Variants in SPATA7 observed in about 807,000 individuals in gnomAD.
The protein encoded by SPATA7 is spermatogenesis-associated protein 7.
A neutral mutation model predicts 51.8 loss-of-function variants in SPATA7; 43 were observed. The ratio of observed to expected loss-of-function variants is 0.83; its 90% CI spans 0.65 to 1.07. The LOEUF (loss-of-function observed/expected upper bound fraction) is 1.07, where lower values mean the gene tolerates loss of function less well. Ranked by LOEUF, SPATA7 falls within the 50% of genes least tolerant of loss-of-function variation. SPATA7 has a pLI of 0.00. For missense variants in SPATA7, 683 were observed against 701.3 expected, an observed-to-expected ratio of 0.97 and a Z score of 0.30; for synonymous variants, 230 against 252.8, an observed-to-expected ratio of 0.91 and a Z score of 0.86.
chr14:88,392,301 T>C (rs2075766515), intron 2 of SPATA7, among the ~76,000 whole-genome samples: 1 of 152,072 alleles, frequency 6.6e-6, no homozygotes, highest in Admixed American at 6.6e-5. Context: ...TTTTAAAGAA[T>C]ATATATATAG....
chr14:88,445,215 G>A (rs1208245462), intron 3 of SPATA7, among the ~76,000 whole-genome samples: 2 of 150,174 alleles, frequency 1.3e-5, no homozygotes, highest in Non-Finnish European at 3.0e-5. Flanking sequence ...CTTGTAAGTT[G>A]GATTCCTAGG....
chr14:88,407,074 CAT>C (rs2076219460), intron 4 of SPATA7, among the ~76,000 whole-genome samples: 3 of 152,172 alleles, frequency 2.0e-5, no homozygotes, highest in South Asian at 4.1e-4. Flanking sequence ...CTGCAATAAA[CAT>C]ATGTGTGCAT....
chr14:88,393,914 T>C (rs747815927), intron 3 of SPATA7, among the ~76,000 whole-genome samples: 1 of 152,178 alleles, frequency 6.6e-6, no homozygotes, highest in Non-Finnish European at 1.5e-5. Context: ...ATAAATATTT[T>C]GAAAAATGAA....
intron 2 of SPATA7, chr14:88,391,860 G>T: frequency 5.4e-6 from 1 of 184,458 alleles, no homozygotes; most frequent in Non-Finnish European, 1.1e-5. Flanking sequence ...AAAGGCCTAT[G>T]GGCCTCTTTA....
At chr14:88,462,803 A>G (rs2077325776) in intron 4 of SPATA7, among the ~76,000 whole-genome samples, 1 of 152,254 alleles carries the variant, frequency 6.6e-6, no homozygotes, top group South Asian at 2.1e-4. Context: ...AGTAATTTTC[A>G]GAAATTTGGA....
chr14:88,391,243 T>C, intron 1 of SPATA7, 138 bp from the exon 2 acceptor site: 1 of 712,594 alleles, frequency 1.4e-6, no homozygotes, highest in Non-Finnish European at 2.3e-6. Flanking sequence ...TGGAGATTAC[T>C]ACTAAAAACG....
At chr14:88,441,048 G>T (rs1417511229), downstream of SPATA7, among the ~76,000 whole-genome samples, 1 of 152,032 alleles carries the variant, frequency 6.6e-6, no homozygotes, top group Non-Finnish European at 1.5e-5. Flanking sequence ...TCATAGCTTA[G>T]CTCCCACTTA....
intron 1 of SPATA7, among the ~76,000 whole-genome samples, chr14:88,387,432 G>A (rs2075611707): frequency 7.0e-6 from 1 of 143,486 alleles, no homozygotes; most frequent in African/African-American, 3.0e-5. Context: ...AAATAACCAG[G>A]GCAGTCAGCT....
intron 6 of SPATA7, 23 bp downstream of exon 6, chr14:88,426,727 AG>A: frequency 6.4e-7 from 1 of 1,573,656 alleles, no homozygotes; most frequent in Non-Finnish European, 8.7e-7. Context: ...AGCAACCAAC[AG>A]TAAATCCTTC....
chr14:88,454,029 C>T (rs1313601309), intron 3 of SPATA7, among the ~76,000 whole-genome samples: 1 of 152,142 alleles, frequency 6.6e-6, no homozygotes, highest in East Asian at 1.9e-4. Flanking sequence ...GTTTTTCCAA[C>T]CCAACAAACC....
chr14:88,408,618 G>A (rs2076259235), intron 4 of SPATA7, among the ~76,000 whole-genome samples: 1 of 152,138 alleles, frequency 6.6e-6, no homozygotes, highest in Non-Finnish European at 1.5e-5. Flanking sequence ...TTGCCTGATT[G>A]CCCTGGCCTA....
At chr14:88,415,259 T>C in intron 4 of SPATA7, 1 of 362,156 alleles carries the variant, frequency 2.8e-6, no homozygotes, top group Admixed American at 2.6e-5. Flanking sequence ...CAAATATACC[T>C]AGGATAGGTA....
chr14:88,403,908 AAAAAG>A (rs1174458073), intron 4 of SPATA7, among the ~76,000 whole-genome samples: 2 of 152,194 alleles, frequency 1.3e-5, no homozygotes, highest in East Asian at 1.9e-4. Context: ...TCACCACAAA[AAAAAG>A]AAAAAGTAGC....
At chr14:88,413,501 T>C (rs2076396029) in intron 4 of SPATA7, among the ~76,000 whole-genome samples, 1 of 152,210 alleles carries the variant, frequency 6.6e-6, no homozygotes, top group Non-Finnish European at 1.5e-5. Flanking sequence ...AAAGAGATAA[T>C]TTGACTACTA....
At chr14:88,430,580 TC>T in intron 8 of SPATA7, among the ~76,000 whole-genome samples, 1 of 152,278 alleles carries the variant, frequency 6.6e-6, no homozygotes, top group East Asian at 1.9e-4. Flanking sequence ...TAATAATGTA[TC>T]TATATCCAGC....
At chr14:88,402,508 T>C (rs528580266) in intron 4 of SPATA7, among the ~76,000 whole-genome samples, 1 of 152,208 alleles carries the variant, frequency 6.6e-6, no homozygotes, top group South Asian at 2.1e-4. Flanking sequence ...ATAGTCAACT[T>C]ATCTTCAAAA....
chr14:88,446,300 G>A (rs1253880518), intron 3 of SPATA7, among the ~76,000 whole-genome samples: 1 of 152,062 alleles, frequency 6.6e-6, no homozygotes, highest in Non-Finnish European at 1.5e-5. Context: ...TCTGATGGTA[G>A]TTTGTATTTC....
chr14:88,415,451 A>ATGG (rs1280838929), intron 4 of SPATA7, among the ~76,000 whole-genome samples: 1 of 151,228 alleles, frequency 6.6e-6, no homozygotes, highest in Non-Finnish European at 1.5e-5. Flanking sequence ...TACATGTGTG[A>ATGG]TGGGCCTCTT....
At position 88,395,804 on chromosome 14, in the gene SPATA7, C is replaced by T. The variant is rs77491141; in HGVS notation, c.191-352C>T. ...GTCTATCTTTAAGCCCCATGCCACA[C>T]TGCCTTAATTATTGTAGCATTACAG... On this transcript the variant is annotated intron_variant, in intron 3 of 11. Transcript: ENST00000393545. Among the ~76,000 whole-genome samples the T allele has an allele frequency of 2.5e-3, 374 of 152,224 alleles. 1 individual carries two copies. Among genetic ancestry groups the T allele is most frequent in the Middle Eastern group, 6.8e-3 (2 of 294 alleles).
Sources: allele counts gnomAD v4.1 joint callset (sites outside exome capture counted in the v4.1 genomes callset), GRCh38; gene constraint gnomAD v4.1.1; transcripts MANE v1.5; gene names NCBI Gene and HGNC (gene_info 2026-07-23, HGNC 2026-07-21).